PXDN: variants seen among roughly 807,000 people sequenced by gnomAD.
PXDN encodes the protein peroxidasin homolog.
Under a neutral mutation model 140.3 loss-of-function variants are expected in PXDN, and 77 were observed. That is an observed-to-expected ratio of 0.55 (90% confidence interval 0.46 to 0.66). The LOEUF is 0.66. Among genes scored for constraint, PXDN ranks in the 30% least tolerant of loss-of-function variants. The probability of loss-of-function intolerance (pLI) is 0.00; values close to 1 mark genes in which losing one functional copy is unlikely to be tolerated. For missense variants in PXDN, 1,838 were observed against 2,039.5 expected (o/e 0.90, Z 1.90); for synonymous variants, 911 against 857.4 (o/e 1.06, Z -1.09).
At chr2:1,726,814 GTTTA>G (rs909338795) in intron 1 of PXDN, among the ~76,000 whole-genome samples, 1 of 152,048 alleles carries the variant, frequency 6.6e-6, no homozygotes, top group African/African-American at 2.4e-5. Context: ...AGTCCTACTT[GTTTA>G]TTTATTTTTG....
At chr2:1,635,350 T>A (rs2241457) in intron 22 of PXDN, 58 bp downstream of exon 22, 1 of 1,451,296 alleles carries the variant, frequency 6.9e-7, no homozygotes, top group African/African-American at 1.4e-5. Flanking sequence ...AGTGGTCACA[T>A]GGGACTCTCG....
intron 1 of PXDN, among the ~76,000 whole-genome samples, chr2:1,728,201 G>C (rs1416288670): frequency 6.6e-6 from 1 of 152,212 alleles, no homozygotes; most frequent in Non-Finnish European, 1.5e-5. Context: ...GCCTCCCAAA[G>C]TGCTGGGATT....
intron 8 of PXDN, among the ~76,000 whole-genome samples, chr2:1,674,507 G>A (rs141339909): frequency 1.3e-5 from 2 of 152,264 alleles, no homozygotes; most frequent in Non-Finnish European, 2.9e-5. Context: ...GCCAGTCCTC[G>A]GGCAGCAAGG....
intron 1 of PXDN, among the ~76,000 whole-genome samples, chr2:1,737,437 T>C (rs766788117): frequency 3.0e-4 from 45 of 152,248 alleles, no homozygotes; most frequent in African/African-American, 5.1e-4. Flanking sequence ...TCAGTTTACA[T>C]TGCATGAGTA....
intron 1 of PXDN, among the ~76,000 whole-genome samples, chr2:1,732,663 A>T (rs761655340): frequency 6.6e-6 from 1 of 152,252 alleles, no homozygotes. Context: ...ACCAAGTACA[A>T]AGCTCAAGGA....
At chr2:1,723,318 G>A (rs370083401) in intron 1 of PXDN, among the ~76,000 whole-genome samples, 9 of 152,246 alleles carry the variant, frequency 5.9e-5, no homozygotes, top group African/African-American at 2.2e-4. Flanking sequence ...GATAGCTGGA[G>A]GGATGGATGA....
chr2:1,674,272 T>C (rs1361607004), intron 8 of PXDN, among the ~76,000 whole-genome samples: 3 of 152,222 alleles, frequency 2.0e-5, no homozygotes, highest in African/African-American at 7.2e-5. Flanking sequence ...CGCAGCGGTA[T>C]AACCATTGCT....
At chr2:1,713,835 G>A (rs533109151) in intron 1 of PXDN, among the ~76,000 whole-genome samples, 1 of 152,376 alleles carries the variant, frequency 6.6e-6, no homozygotes, top group African/African-American at 2.4e-5. Context: ...TAAGTGTCCT[G>A]GGGTGTTCAC....
rs1019818183 is a variant in PXDN, at chr2:1,640,111, G to A, written c.3953-689C>T. On this transcript the variant is annotated intron_variant, in intron 19 of 22. Transcript: ENST00000252804. ...GGGTGAGTGAGGGGCCCTCAGTGCC[G>A]TGTCCCTCCTGGTCCCCGGGTGAGT... is the stretch of plus-strand genomic sequence containing the variant. Among the ~76,000 whole-genome samples, 645 of 138,022 alleles carry A rather than the reference G, an allele frequency of 4.7e-3. 5 individuals carry two copies. Among genetic ancestry groups the A allele is most frequent in the African/African-American group, 0.017 (614 of 36,408 alleles). 90.5% of individuals were successfully genotyped at this position (138,022 alleles called of 152,430 possible).
intron 12 of PXDN, 63 bp downstream of exon 12, chr2:1,663,536 GCGGAAT>G (rs1683355149): frequency 1.9e-6 from 3 of 1,571,548 alleles, no homozygotes; most frequent in Non-Finnish European, 2.6e-6. Flanking sequence ...AATGTCAGCT[GCGGAAT>G]TCTGTGTTTC....
intron 1 of PXDN, among the ~76,000 whole-genome samples, chr2:1,710,641 T>TCC (rs1343468421): frequency 2.1e-4 from 18 of 85,312 alleles, no homozygotes; most frequent in East Asian, 3.6e-4. Context: ...GCACCCACTC[T>TCC]ATGAACACCC....
Position 1,680,249 on chromosome 2 carries a change from G to A in PXDN, c.674C>T (p.Pro225Leu), listed in dbSNP as rs1683861393. 1 of 1,612,234 alleles carries A rather than the reference G, an allele frequency of 6.2e-7. No individual in the cohort carries two copies. Among genetic ancestry groups the A allele is most frequent in the Admixed American group, 1.7e-5 (1 of 59,774 alleles). The change falls in exon 7 of 23, where the codon CCC becomes CTC. Residue 225 changes from proline to leucine, a missense_variant. Pro to Leu is a moderately conservative substitution (Grantham distance 98). This residue lies in a region of PXDN where 208 missense variants were observed against 325.8 expected (regional missense o/e 0.64). Coordinates refer to ENST00000252804, the MANE Select transcript of PXDN (RefSeq NM_012293.3). ...NAQAAAICEY[P>L]RRIQGRSVAT... ...CACTGAGCGTCCCTGGATGCGTCTGGGATATTCACAGATGGCCGCTGCCTG... is the reference window on the plus strand; with the variant it reads ...CACTGAGCGTCCCTGGATGCGTCTGAGATATTCACAGATGGCCGCTGCCTG...
intron 1 of PXDN, among the ~76,000 whole-genome samples, chr2:1,701,193 G>C (rs1192137763): frequency 6.6e-6 from 1 of 152,132 alleles, no homozygotes; most frequent in Non-Finnish European, 1.5e-5. Flanking sequence ...TTCCTACTAA[G>C]GACTGCCTTT....
intron 19 of PXDN, among the ~76,000 whole-genome samples, chr2:1,642,219 C>A (rs1386998310): frequency 6.6e-6 from 1 of 151,984 alleles, no homozygotes; most frequent in Non-Finnish European, 1.5e-5. Flanking sequence ...CCCCCACACA[C>A]CCCACAGGTA....
chr2:1,715,611 A>G (rs2125474205), intron 1 of PXDN, among the ~76,000 whole-genome samples: 1 of 152,338 alleles, frequency 6.6e-6, no homozygotes, highest in African/African-American at 2.4e-5. Flanking sequence ...CAAGTCAGCC[A>G]CAGGTTGGCT....
chr2:1,680,865 G>A (rs575861622), intron 6 of PXDN, among the ~76,000 whole-genome samples: 1 of 152,266 alleles, frequency 6.6e-6, no homozygotes, highest in East Asian at 1.9e-4. Flanking sequence ...AAGGGGGGCT[G>A]CATCTCCTGG....
At chr2:1,735,811 G>A (rs1304556162) in intron 1 of PXDN, among the ~76,000 whole-genome samples, 1 of 152,114 alleles carries the variant, frequency 6.6e-6, no homozygotes, top group Non-Finnish European at 1.5e-5. Flanking sequence ...TTGAAGCCAG[G>A]CAATGACTTC....
At chr2:1,655,884 T>C (rs1365367901) in intron 14 of PXDN, among the ~76,000 whole-genome samples, 2 of 149,816 alleles carry the variant, frequency 1.3e-5, no homozygotes, top group African/African-American at 4.9e-5. Context: ...TCCATCACAC[T>C]ACACTCAGAT....
Position 1,708,725 on chromosome 2 carries a change from C to T in PXDN, c.201-15591G>A, listed in dbSNP as rs139050766. Among the ~76,000 whole-genome samples, 265 of 152,196 alleles carry T rather than the reference C, an allele frequency of 1.7e-3. 1 individual carries two copies. The highest frequency in any genetic ancestry group is 6.0e-3 in the African/African-American group (251 of 41,524). On this transcript the variant is annotated intron_variant, in intron 1 of 22. Coordinates refer to ENST00000252804, the MANE Select transcript of PXDN (RefSeq NM_012293.3). ...TCCTCTCCCAGGCATCTGAGTTGCA[C>T]GGGCACTGGGCACGCCCAGTTCATA...
Sources: gnomAD v4.1 joint callset for allele counts (sites outside exome capture counted in the v4.1 genomes callset) on GRCh38, gnomAD v4.1.1 for gene constraint, gnomAD v4.1.1 regional missense constraint, MANE v1.5 for transcripts, NCBI Gene and HGNC (gene_info 2026-07-23, HGNC 2026-07-21) for gene names.